Variants in ADD1 observed in about 807,000 individuals in gnomAD.
The protein encoded by ADD1 is adducin 1, also known as alpha-adducin.
A neutral mutation model predicts 80.5 loss-of-function variants in ADD1; 24 were observed. The observed-to-expected ratio is 0.30, with a 90% CI of 0.22 to 0.42. ADD1 has a LOEUF of 0.42. ADD1 is among the 10% of genes least tolerant of loss of function. The pLI, the probability that ADD1 is intolerant of heterozygous loss-of-function variation, is 1.00. For missense variants in ADD1, 948 were observed against 1,019.0 expected (o/e 0.93, Z 0.95); for synonymous variants, 373 against 393.8 (o/e 0.95, Z 0.63).
chr4:2,867,261 C>T (rs528618340), intron 1 of ADD1, among the ~76,000 whole-genome samples: 2 of 152,250 alleles, frequency 1.3e-5, no homozygotes, highest in South Asian at 4.2e-4. Flanking sequence ...GCTGCATTTT[C>T]CTCAACTGGG....
At chr4:2,911,067 C>T (rs1228657585) in intron 13 of ADD1, among the ~76,000 whole-genome samples, 1 of 152,262 alleles carries the variant, frequency 6.6e-6, no homozygotes, top group East Asian at 1.9e-4. Flanking sequence ...AACCTCAAAG[C>T]ACAGACAGTC....
rs1325197018 is a variant in ADD1, at chr4:2,928,483, C to A, written c.2360C>A (p.Pro787Gln). 1 of 1,613,786 alleles carries A rather than the reference C, an allele frequency of 6.2e-7. No homozygotes were observed. Among genetic ancestry groups the A allele is most frequent in the East Asian group, 2.2e-5 (1 of 44,868 alleles). ...AAAAAGAAGAAGAAGTTCCGTACCC[C>A]GTCCTTTCTGAAGAAGAGCAAGAAG... ...PSKKKKKFRT[P>Q]SFLKKSKKKS... Residue 787 changes from proline to glutamine, a missense_variant, in exon 16 of 16, where the codon CCG becomes CAG. Physicochemically the swap from Pro to Gln is moderately conservative, Grantham distance 76 (BLOSUM62 -1). Coordinates refer to ENST00000683351, the MANE Select transcript of ADD1 (RefSeq NM_001354761.2).
At chr4:2,878,125 T>G (rs975678809) in intron 2 of ADD1, among the ~76,000 whole-genome samples, 1 of 152,192 alleles carries the variant, frequency 6.6e-6, no homozygotes, top group East Asian at 1.9e-4. Flanking sequence ...GAGCAGATCC[T>G]GGAAGGCTGT....
intron 2 of ADD1, among the ~76,000 whole-genome samples, chr4:2,877,396 T>G (rs1731530215): frequency 6.6e-6 from 1 of 152,172 alleles, no homozygotes; most frequent in South Asian, 2.1e-4. Context: ...TAGTAGATTT[T>G]GTTTAGTTGT....
Position 2,928,843 on chromosome 4 carries a change from C to G in ADD1, c.*320C>G. On this transcript the variant is annotated 3_prime_UTR_variant, in exon 16 of 16. Transcript: ENST00000683351. ...GCAGCTTTGGCTGCACGTCACCCTC[C>G]TGAGCCTCACCTTTCCTGCCGTCCC... The G allele has an allele frequency of 3.2e-6, 1 of 312,554 alleles. No homozygotes were observed. The highest frequency in any genetic ancestry group is 5.9e-6 in the Non-Finnish European group (1 of 170,936). The allele number at this position is 312,554 out of a possible 1,614,324, so 19.4% of individuals were successfully genotyped here. A position where few individuals can be genotyped will look rare whatever the true frequency, so the allele number is the denominator to read the frequency against.
At chr4:2,871,798 T>C (rs917872909) in intron 1 of ADD1, among the ~76,000 whole-genome samples, 4 of 152,234 alleles carry the variant, frequency 2.6e-5, no homozygotes, top group African/African-American at 4.8e-5. Context: ...AATATAATCC[T>C]AGTAATACTA....
At chr4:2,867,833 T>C (rs940208923) in intron 1 of ADD1, 2 of 152,192 alleles carry the variant, frequency 1.3e-5, no homozygotes, top group African/African-American at 4.8e-5. Context: ...GAGGAGGAGC[T>C]CTGGAGTCAG....
chr4:2,910,249 C>T (rs1251127705), intron 13 of ADD1, among the ~76,000 whole-genome samples: 1 of 151,684 alleles, frequency 6.6e-6, no homozygotes, highest in Non-Finnish European at 1.5e-5. Context: ...AGGAAATTTC[C>T]AGAACTGTCT....
chr4:2,894,689 C>G lies in ADD1; in HGVS notation c.699C>G (p.Asp233Glu), dbSNP rs770574567. The G allele has an allele frequency of 6.2e-7, 1 of 1,601,198 alleles. No individual in the cohort carries two copies. The highest frequency in any genetic ancestry group is 1.1e-5 in the South Asian group (1 of 87,838). ...LHSAIYAARP[D>E]VKCVVHIHTP... is the part of the protein sequence containing the mutation. ...CTGCAATTTATGCTGCACGCCCGGA[C>G]GTGAAGTGCGTCGTGCACATTCACA... Residue 233 changes from aspartate (D) to glutamate (E), a missense_variant, in exon 6 of 16, where the codon GAC becomes GAG. Physicochemically the swap from Asp to Glu is conservative, Grantham distance 45 (BLOSUM62 2). Transcript: ENST00000683351.
intron 1 of ADD1, among the ~76,000 whole-genome samples, chr4:2,852,215 T>TTCCTTTCTTTCCTTTCTTTCCTA (rs1727309412): frequency 1.5e-5 from 2 of 135,728 alleles, no homozygotes; most frequent in Admixed American, 7.3e-5. Context: ...TTCCTTTCCT[T>TTCCTTTCTTTCCTTTCTTTCCTA]TCTTTCCTTT....
intron 1 of ADD1, among the ~76,000 whole-genome samples, chr4:2,855,821 C>T (rs183117555): frequency 3.1e-4 from 47 of 151,858 alleles, no homozygotes; most frequent in African/African-American, 1.1e-3. Context: ...CCACTTCAGC[C>T]CCCAAGTAGC....
chr4:2,926,403 T>C lies in ADD1; in HGVS notation c.2047+291T>C. The C allele has an allele frequency of 1.4e-6, 1 of 696,140 alleles. No individual in the cohort carries two copies. Among genetic ancestry groups the C allele is most frequent in the Non-Finnish European group, 2.6e-6 (1 of 381,870 alleles). The allele number at this position is 696,140 out of a possible 1,614,324, so 43.1% of individuals were successfully genotyped here. A position where few individuals can be genotyped will look rare whatever the true frequency, so the allele number is the denominator to read the frequency against. Reference sequence around the variant, plus strand: ...TGCTCGCACACTCCTCGTGCCGTGTTGTCATGCAGATGCCACCTTCGGAGG... The same window carrying C: ...TGCTCGCACACTCCTCGTGCCGTGTCGTCATGCAGATGCCACCTTCGGAGG... On this transcript the variant is annotated intron_variant, in intron 15 of 15. Coordinates refer to ENST00000683351, the MANE Select transcript of ADD1 (RefSeq NM_001354761.2). This position sits in a 1 kb window ranked among gnomAD's most constrained non-coding sequence, Gnocchi z 5.0.
At chr4:2,902,595 T>C (rs756338996) in intron 9 of ADD1, 7 of 151,682 alleles carry the variant, frequency 4.6e-5, no homozygotes, top group Non-Finnish European at 8.8e-5. Context: ...CCAGGTGTGG[T>C]GGAGGGTGCC....
At chr4:2,887,370 TG>T (rs1254955845) in intron 4 of ADD1, 1 of 150,840 alleles carries the variant, frequency 6.6e-6, no homozygotes, top group Non-Finnish European at 1.5e-5. Flanking sequence ...GATTTAAAAT[TG>T]CTAACAGGTG....
chr4:2,904,767 T>A lies in ADD1; in HGVS notation c.1165T>A (p.Tyr389Asn). The change falls in exon 10 of 16, where the codon TAC (tyrosine) becomes AAC (asparagine). Residue 389 changes from tyrosine (Y) to asparagine (N), a missense_variant. Transcript: ENST00000683351. ...ALMRMLDNLG[Y>N]RTGYPYRYPA... Reference sequence around the variant, plus strand: ...TTTCACTCTCCTTGGACCCTAGGGCTACAGAACTGGCTACCCTTATCGATA... The same window carrying A: ...TTTCACTCTCCTTGGACCCTAGGGCAACAGAACTGGCTACCCTTATCGATA... 2 of 1,612,732 alleles carry A rather than the reference T, an allele frequency of 1.2e-6. No individual in the cohort carries two copies. The highest frequency in any genetic ancestry group is 1.7e-6 in the Non-Finnish European group (2 of 1,178,688).
At chr4:2,898,412 A>T in intron 7 of ADD1, 21 bp from the exon 8 acceptor site, 1 of 1,614,134 alleles carries the variant, frequency 6.2e-7, no homozygotes, top group Non-Finnish European at 8.5e-7. Flanking sequence ...AGCTCCACAG[A>T]GCATTCATGC....
At chr4:2,876,215 C>G in intron 2 of ADD1, 105 bp downstream of exon 2, 4 of 1,102,800 alleles carry the variant, frequency 3.6e-6, no homozygotes, top group Non-Finnish European at 5.1e-6. Context: ...GATCTTATCA[C>G]AGGAAATCAG....
intron 1 of ADD1, among the ~76,000 whole-genome samples, chr4:2,870,356 G>A (rs1158027754): frequency 1.3e-5 from 2 of 152,212 alleles, no homozygotes; most frequent in African/African-American, 4.8e-5. Context: ...TAGGTAGAGT[G>A]GTGTTTTCTG....
intron 1 of ADD1, among the ~76,000 whole-genome samples, chr4:2,846,133 T>C (rs188431250): frequency 3.0e-4 from 46 of 152,372 alleles, no homozygotes; most frequent in Admixed American, 2.5e-3. Flanking sequence ...CAGCCAGTGT[T>C]AAAATTGTCA....
Sources: allele counts gnomAD v4.1 joint callset (sites outside exome capture counted in the v4.1 genomes callset), GRCh38; gene constraint gnomAD v4.1.1; non-coding constraint Gnocchi (gnomAD v3.1); transcripts MANE v1.5; gene names NCBI Gene and HGNC (gene_info 2026-07-23, HGNC 2026-07-21).